The following DOCK5 variants were observed in gnomAD, a reference collection of about 807,000 sequenced individuals.
DOCK5 encodes dedicator of cytokinesis 5.
In DOCK5, 142 loss-of-function variants were observed where a neutral mutation model predicts 251.8. That is an observed-to-expected ratio of 0.56 (90% confidence interval 0.49 to 0.65). The LOEUF (loss-of-function observed/expected upper bound fraction) is 0.65. DOCK5 is among the 30% of genes least tolerant of loss of function. DOCK5 has a pLI of 0.00. For synonymous variants in DOCK5, 842 were observed against 835.5 expected (o/e 1.01, Z -0.13); for missense variants, 2,111 against 2,312.3 (o/e 0.91, Z 1.79).
chr8:25,302,260 A>G (rs1230800679), intron 9 of DOCK5, 65 bp from the exon 10 acceptor site: 38 of 1,514,458 alleles, frequency 2.5e-5, no homozygotes, highest in Non-Finnish European at 2.9e-5. Context: ...GGGTAAAGAA[A>G]AAAGAGACAC....
intron 8 of DOCK5, among the ~76,000 whole-genome samples, chr8:25,300,271 A>G (rs1382734816): frequency 6.6e-6 from 1 of 152,192 alleles, no homozygotes; most frequent in Non-Finnish European, 1.5e-5. Context: ...TGGAAGGACA[A>G]CCCAGACCGT....
intron 3 of DOCK5, among the ~76,000 whole-genome samples, chr8:25,273,899 G>C (rs939362379): frequency 6.6e-6 from 1 of 152,066 alleles, no homozygotes; most frequent in African/African-American, 2.4e-5. Flanking sequence ...GTGTGTTCTT[G>C]GTCTCATCAG....
At chr8:25,328,349 G>T (rs1325937836) in intron 18 of DOCK5, among the ~76,000 whole-genome samples, 1 of 152,112 alleles carries the variant, frequency 6.6e-6, no homozygotes, top group African/African-American at 2.4e-5. Context: ...GCAGGGAGAG[G>T]GAACAGGGTA....
At chr8:25,361,123 C>A (rs145996726) in intron 28 of DOCK5, among the ~76,000 whole-genome samples, 11 of 152,266 alleles carry the variant, frequency 7.2e-5, no homozygotes, top group African/African-American at 2.6e-4. Context: ...GTGGATAAAA[C>A]CAGGCTTTGG....
At chr8:25,279,087 C>T (rs920044863) in intron 5 of DOCK5, among the ~76,000 whole-genome samples, 12 of 152,080 alleles carry the variant, frequency 7.9e-5, no homozygotes, top group Admixed American at 4.6e-4. Flanking sequence ...TGAAATTTAT[C>T]GATATTTCAG....
At chr8:25,270,726 G>C in intron 3 of DOCK5, 1 of 684,190 alleles carries the variant, frequency 1.5e-6, no homozygotes, top group Non-Finnish European at 2.7e-6. Context: ...TTTTGAACAT[G>C]GCAGACCTTG....
Position 25,308,829 on chromosome 8 carries a change from C to T in DOCK5, c.1096C>T (p.Pro366Ser), listed in dbSNP as rs1036401869. The T allele has an allele frequency of 1.2e-5, 20 of 1,613,926 alleles. No homozygotes were observed. The highest frequency in any genetic ancestry group is 1.2e-5 in the Non-Finnish European group (14 of 1,179,842). Residue 366 changes from proline (P) to serine (S), a missense_variant, in exon 12 of 52, where the codon CCT (proline) becomes TCT (serine). By Grantham distance (74) the Pro-to-Ser change is moderately conservative. Transcript: ENST00000276440. ...CCGCCAGAGGCAGCTCATCATGTCG[C>T]CTTTGATAACATCACACGTGATTGG... ...YIRQRQLIMS[P>S]LITSHVIGEN... is the part of the protein sequence containing the mutation.
chr8:25,339,825 A>C (rs762151717), intron 22 of DOCK5, among the ~76,000 whole-genome samples: 10 of 152,220 alleles, frequency 6.6e-5, no homozygotes, highest in Non-Finnish European at 1.3e-4. Flanking sequence ...CTAGAGAAGT[A>C]ATAAAATCTG....
At chr8:25,335,894 T>C (rs1389283147) in intron 21 of DOCK5, among the ~76,000 whole-genome samples, 1 of 152,188 alleles carries the variant, frequency 6.6e-6, no homozygotes, top group East Asian at 1.9e-4. Context: ...AATCCCTCAT[T>C]TATGGGAGCA....
chr8:25,340,746 T>A, intron 22 of DOCK5, 131 bp from the exon 23 acceptor site: 1 of 736,360 alleles, frequency 1.4e-6, no homozygotes, highest in South Asian at 1.9e-5. Flanking sequence ...TTCAGATGAC[T>A]GGGGCTTAAT....
intron 8 of DOCK5, among the ~76,000 whole-genome samples, chr8:25,299,870 T>A (rs974969463): frequency 3.9e-5 from 6 of 152,230 alleles, no homozygotes; most frequent in African/African-American, 1.4e-4. Flanking sequence ...AAAAATTTTT[T>A]AATGTCAATG....
chr8:25,248,547 G>A (rs529031187), intron 2 of DOCK5, among the ~76,000 whole-genome samples: 2 of 152,182 alleles, frequency 1.3e-5, no homozygotes, highest in African/African-American at 2.4e-5. Context: ...CCCTCGAGAT[G>A]TCTGCATACC....
chr8:25,382,657 C>T lies in DOCK5; in HGVS notation c.4027-17C>T, dbSNP rs552276927. The stretch of plus-strand genomic sequence containing the variant: ...TACTTATAACCTCCCCTTGGAATGT[C>T]TTGTTTTGTTTTCCAGAAAAAAAGG... On this transcript the variant is annotated splice_polypyrimidine_tract_variant and intron_variant, in intron 39 of 51. Transcript: ENST00000276440. The T allele has an allele frequency of 1.3e-6, 2 of 1,588,460 alleles. No homozygotes were observed. The highest frequency in any genetic ancestry group is 8.6e-7 in the Non-Finnish European group (1 of 1,164,358).
chr8:25,373,300 A>AT (rs1339940381), intron 35 of DOCK5, among the ~76,000 whole-genome samples: 3 of 152,096 alleles, frequency 2.0e-5, no homozygotes, highest in African/African-American at 7.2e-5. Flanking sequence ...ACCCGGCTGG[A>AT]TAGGTTATTT....
In DOCK5 at chr8:25,274,760, C is replaced by G. The variant is rs984018257; in HGVS notation, c.169-626C>G. Among the ~76,000 whole-genome samples the G allele has an allele frequency of 2.0e-5, 3 of 151,760 alleles. No homozygotes were observed. The East Asian group carries it at 5.8e-4, about 29-fold the overall frequency. On this transcript the variant is annotated intron_variant, in intron 3 of 51. Coordinates refer to ENST00000276440, the MANE Select transcript of DOCK5 (RefSeq NM_024940.8). ...TAGAAAAATCACTATGTAGTTGACC[C>G]GTGAAAAATATGAGTTTGAACTCTG...
At chr8:25,207,026 C>A (rs1586228478) in intron 1 of DOCK5, among the ~76,000 whole-genome samples, 1 of 152,174 alleles carries the variant, frequency 6.6e-6, no homozygotes, top group East Asian at 1.9e-4. Context: ...TTTTCTGAGG[C>A]AATTTGAGTG....
At chr8:25,259,328 A>G (rs1273405041) in intron 2 of DOCK5, among the ~76,000 whole-genome samples, 2 of 152,190 alleles carry the variant, frequency 1.3e-5, no homozygotes, top group African/African-American at 4.8e-5. Flanking sequence ...GGTATAAGGT[A>G]AAGCAATGAG....
chr8:25,268,063 A>G (rs941379560), intron 2 of DOCK5, among the ~76,000 whole-genome samples: 2 of 151,982 alleles, frequency 1.3e-5, no homozygotes, highest in African/African-American at 2.4e-5. Context: ...GGGTTTCACT[A>G]TGTTGGCCAG....
At chr8:25,194,657 G>C (rs368842068) in intron 1 of DOCK5, among the ~76,000 whole-genome samples, 1 of 152,050 alleles carries the variant, frequency 6.6e-6, no homozygotes, top group African/African-American at 2.4e-5. Context: ...CTGTTCACTG[G>C]GCGTCTCCCA....
Sources: allele counts gnomAD v4.1 joint callset (sites outside exome capture counted in the v4.1 genomes callset), GRCh38; gene constraint gnomAD v4.1.1; transcripts MANE v1.5; gene names NCBI Gene and HGNC (gene_info 2026-07-23, HGNC 2026-07-21).